ATP8B4: variants seen among roughly 807,000 people sequenced by gnomAD.
ATP8B4 encodes probable phospholipid-transporting ATPase IM.
In ATP8B4, 133 loss-of-function variants were observed where a neutral mutation model predicts 145.6. The observed-to-expected ratio is 0.91, with a 90% CI of 0.79 to 1.05. ATP8B4 has a LOEUF of 1.05. Ranked by LOEUF, ATP8B4 falls within the 50% of genes least tolerant of loss-of-function variation. ATP8B4 has a pLI of 0.00. For synonymous variants in ATP8B4, 507 were observed against 492.9 expected, an observed-to-expected ratio of 1.03 and a Z score of -0.38; for missense variants, 1,458 against 1,425.2, an observed-to-expected ratio of 1.02 and a Z score of -0.37.
chr15:49,915,028 T>C (rs1396908736), intron 20 of ATP8B4, among the ~76,000 whole-genome samples: 1 of 152,156 alleles, frequency 6.6e-6, no homozygotes, highest in Non-Finnish European at 1.5e-5. Flanking sequence ...GTAGCACTAC[T>C]CATAATATCA....
chr15:49,866,307 G>A (rs770321200), intron 26 of ATP8B4, 39 bp downstream of exon 26: 2 of 1,599,570 alleles, frequency 1.3e-6, no homozygotes, highest in Middle Eastern at 1.7e-4. Context: ...GTAAACAGCA[G>A]CAGACACTAG....
chr15:50,086,991 TAATAA>T (rs1442597385), intron 2 of ATP8B4, among the ~76,000 whole-genome samples: 1 of 108,354 alleles, frequency 9.2e-6, no homozygotes, highest in African/African-American at 4.1e-5. Context: ...TTATTATATA[TAATAA>T]AATAATATAG....
intron 1 of ATP8B4, among the ~76,000 whole-genome samples, chr15:50,149,623 T>A (rs974639335): frequency 6.6e-6 from 1 of 152,166 alleles, no homozygotes; most frequent in Non-Finnish European, 1.5e-5. Context: ...GAAAAACTAC[T>A]TCATTAGAAT....
At chr15:49,978,813 G>GA in intron 12 of ATP8B4, among the ~76,000 whole-genome samples, 1 of 76,042 alleles carries the variant, frequency 1.3e-5, no homozygotes, top group South Asian at 6.0e-4. Flanking sequence ...TAAATAAAGA[G>GA]GGGTGTGTGT....
intron 14 of ATP8B4, among the ~76,000 whole-genome samples, chr15:49,952,098 T>A (rs2043155867): frequency 6.6e-6 from 1 of 152,218 alleles, no homozygotes; most frequent in Admixed American, 6.5e-5. Context: ...GTGGGCAACA[T>A]GGCCTTACTC....
intron 1 of ATP8B4, among the ~76,000 whole-genome samples, chr15:50,167,638 G>A (rs1272796189): frequency 2.0e-5 from 3 of 152,098 alleles, no homozygotes; most frequent in East Asian, 1.9e-4. Flanking sequence ...AGGGCAGCGC[G>A]AGACACATTT....
chr15:49,947,595 A>AC (rs1555426363), intron 14 of ATP8B4, among the ~76,000 whole-genome samples: 1 of 151,746 alleles, frequency 6.6e-6, no homozygotes, highest in East Asian at 1.9e-4. Flanking sequence ...TTTCAATGGT[A>AC]TTTTTTTACA....
chr15:50,108,103 T>G (rs962110935), intron 1 of ATP8B4, among the ~76,000 whole-genome samples: 1 of 151,528 alleles, frequency 6.6e-6, no homozygotes, highest in Non-Finnish European at 1.5e-5. Context: ...CAAGGCTAGG[T>G]CATCAAATAT....
At chr15:49,899,074 T>C (rs1218693439) in intron 21 of ATP8B4, among the ~76,000 whole-genome samples, 1 of 152,190 alleles carries the variant, frequency 6.6e-6, no homozygotes, top group Non-Finnish European at 1.5e-5. Flanking sequence ...ACAGCCCATA[T>C]CAATCTGGCC....
At chr15:50,141,916 C>T (rs1003315753) in intron 1 of ATP8B4, among the ~76,000 whole-genome samples, 1 of 152,212 alleles carries the variant, frequency 6.6e-6, no homozygotes, top group Admixed American at 6.5e-5. Context: ...AGAGGTGTTG[C>T]GGTAAGCCAG....
intron 3 of ATP8B4, among the ~76,000 whole-genome samples, chr15:50,069,413 T>C (rs567570972): frequency 1.2e-4 from 19 of 152,338 alleles, no homozygotes; most frequent in African/African-American, 4.6e-4. Context: ...GGTATTGAAG[T>C]ATCTTCTGCC....
Position 50,032,468 on chromosome 15 carries a change from T to G in ATP8B4, c.362+6300A>C, listed in dbSNP as rs1202859905. Reference sequence around the variant, plus strand: ...ATTTGGGTTGGTTCCAAGTTTTTGCTACTGTAAATAGTGCTGCAATAAACA... The same window carrying G: ...ATTTGGGTTGGTTCCAAGTTTTTGCGACTGTAAATAGTGCTGCAATAAACA... On this transcript the variant is annotated intron_variant, in intron 6 of 27. Transcript: ENST00000284509. Among the ~76,000 whole-genome samples the G allele has an allele frequency of 2.0e-5, 3 of 152,346 alleles. No individual in the cohort carries two copies. The South Asian group carries it at 6.2e-4, about 32-fold the overall frequency.
At chr15:50,016,898 T>C (rs1313482782) in intron 6 of ATP8B4, among the ~76,000 whole-genome samples, 1 of 152,198 alleles carries the variant, frequency 6.6e-6, no homozygotes, top group Non-Finnish European at 1.5e-5. Context: ...AATATCTTCA[T>C]GTATTTATAA....
chr15:49,896,920 C>T, intron 23 of ATP8B4: 1 of 195,734 alleles, frequency 5.1e-6, no homozygotes, highest in Non-Finnish European at 1.1e-5. Context: ...AAACCATCTT[C>T]CCAGTAAAGA....
At chr15:50,102,995 C>T (rs938243095) in intron 2 of ATP8B4, among the ~76,000 whole-genome samples, 1 of 152,112 alleles carries the variant, frequency 6.6e-6, no homozygotes, top group Non-Finnish European at 1.5e-5. Flanking sequence ...ACAAAAATCA[C>T]ATGATCATCT....
chr15:50,041,864 C>T (rs142565123), intron 5 of ATP8B4, among the ~76,000 whole-genome samples: 13 of 152,202 alleles, frequency 8.5e-5, no homozygotes, highest in African/African-American at 2.4e-4. Flanking sequence ...TTCTTGAACC[C>T]GGGAGGCGGA....
intron 13 of ATP8B4, among the ~76,000 whole-genome samples, chr15:49,966,573 T>C (rs2044561670): frequency 6.6e-6 from 1 of 152,096 alleles, no homozygotes. Flanking sequence ...TCTAGATTCC[T>C]CCTCTCTGGG....
chr15:50,129,142 G>A (rs2057327480), intron 1 of ATP8B4, among the ~76,000 whole-genome samples: 1 of 152,166 alleles, frequency 6.6e-6, no homozygotes, highest in African/African-American at 2.4e-5. Context: ...TGAGTAAATT[G>A]TGACCCCAGC....
At chr15:50,118,396 A>G (rs755576460) in intron 1 of ATP8B4, among the ~76,000 whole-genome samples, 2 of 152,344 alleles carry the variant, frequency 1.3e-5, no homozygotes, top group Non-Finnish European at 2.9e-5. Context: ...CTGAGTTTAC[A>G]TTTTGTAGTA....
Sources: allele counts gnomAD v4.1 joint callset (sites outside exome capture counted in the v4.1 genomes callset), GRCh38; gene constraint gnomAD v4.1.1; transcripts MANE v1.5; gene names NCBI Gene and HGNC (gene_info 2026-07-23, HGNC 2026-07-21).